FTO: variants seen among roughly 807,000 people sequenced by gnomAD.
FTO encodes FTO alpha-ketoglutarate dependent dioxygenase.
FTO carries 47 observed loss-of-function variants against 63.9 expected under a neutral mutation model. The ratio of observed to expected loss-of-function variants is 0.74; its 90% confidence interval spans 0.58 to 0.94. The LOEUF is 0.94. FTO is among the 40% of genes least tolerant of loss of function. The probability of loss-of-function intolerance (pLI) is 0.00; values close to 1 mark genes in which losing one functional copy is unlikely to be tolerated. For synonymous variants in FTO, 207 were observed against 224.4 expected (o/e 0.92, Z 0.69); for missense variants, 562 against 618.1 (o/e 0.91, Z 0.96).
At chr16:54,031,282 T>C in intron 8 of FTO, among the ~76,000 whole-genome samples, 1 of 152,226 alleles carries the variant, frequency 6.6e-6, no homozygotes, top group East Asian at 1.9e-4. Flanking sequence ...TACTTCTTGC[T>C]TGCTGCACAG....
At chr16:53,804,871 TC>T (rs1228684884) in intron 1 of FTO, among the ~76,000 whole-genome samples, 1 of 152,088 alleles carries the variant, frequency 6.6e-6, no homozygotes, top group African/African-American at 2.4e-5. Context: ...TTCCTTGGCC[TC>T]CCATAGTGCT....
Position 53,848,531 on chromosome 16 carries a change from C to G in FTO, c.895+4233C>G, listed in dbSNP as rs548354135. Among the ~76,000 whole-genome samples, 10 of 152,216 alleles carry G rather than the reference C, an allele frequency of 6.6e-5. No homozygotes were observed. The South Asian group carries it at 1.7e-3, about 25-fold the overall frequency. On this transcript the variant is annotated intron_variant, in intron 4 of 8. Transcript: ENST00000471389. ...CCCTAATCTCAGAGTTAGACATGACCAGATTTGCAAACAGATTTACAATTT... is the reference window on the plus strand; with the variant it reads ...CCCTAATCTCAGAGTTAGACATGACGAGATTTGCAAACAGATTTACAATTT...
chr16:53,915,818 G>A (rs2081850721), intron 7 of FTO, among the ~76,000 whole-genome samples: 1 of 152,194 alleles, frequency 6.6e-6, no homozygotes, highest in Non-Finnish European at 1.5e-5. Flanking sequence ...TAATCTTTGG[G>A]TATGGAATGT....
Position 53,934,070 on chromosome 16 carries a change from T to C in FTO, c.1325T>C (p.Leu442Pro). Residue 442 changes from leucine (L) to proline (P), a missense_variant, in exon 8 of 9, where the codon CTC becomes CCC. By Grantham distance (98) the Leu-to-Pro change is moderately conservative. Transcript: ENST00000471389. Reference sequence around the variant, plus strand: ...ATCTTGACTGCCATCCTTGCCTCGCTCACTGCACGCCAGAACCTGAGGAGA... The same window carrying C: ...ATCTTGACTGCCATCCTTGCCTCGCCCACTGCACGCCAGAACCTGAGGAGA... ...NEILTAILAS[L>P]TARQNLRREW... The C allele has an allele frequency of 6.2e-7, 1 of 1,614,202 alleles. No homozygotes were observed. Among genetic ancestry groups the C allele is most frequent in the South Asian group, 1.1e-5 (1 of 91,088 alleles).
At chr16:54,091,035 A>AG (rs2086371943) in intron 8 of FTO, among the ~76,000 whole-genome samples, 1 of 152,214 alleles carries the variant, frequency 6.6e-6, no homozygotes, top group Non-Finnish European at 1.5e-5. Flanking sequence ...GAAATGGCCC[A>AG]GAGTCACCTG....
At chr16:54,034,747 A>G (rs910380204) in intron 8 of FTO, among the ~76,000 whole-genome samples, 5 of 152,220 alleles carry the variant, frequency 3.3e-5, no homozygotes, top group African/African-American at 1.2e-4. Flanking sequence ...TCACATTTGC[A>G]CATAAGTTAG....
At chr16:53,727,954 G>T (rs1433570731) in intron 1 of FTO, among the ~76,000 whole-genome samples, 1 of 152,114 alleles carries the variant, frequency 6.6e-6, no homozygotes, top group Non-Finnish European at 1.5e-5. Context: ...TCAAACAGTA[G>T]TAAGGGGCCA....
intron 8 of FTO, among the ~76,000 whole-genome samples, chr16:54,107,568 C>G (rs968186857): frequency 2.0e-5 from 3 of 152,216 alleles, no homozygotes; most frequent in African/African-American, 7.2e-5. Context: ...ACACACTACG[C>G]TGTATCAACC....
chr16:53,743,782 A>C (rs763242603), intron 1 of FTO, among the ~76,000 whole-genome samples: 1 of 151,806 alleles, frequency 6.6e-6, no homozygotes. Context: ...AACCCTGCCT[A>C]GTTACCATTT....
chr16:53,715,761 T>C (rs1026620646), intron 1 of FTO, among the ~76,000 whole-genome samples: 3 of 152,242 alleles, frequency 2.0e-5, no homozygotes, highest in Admixed American at 2.0e-4. Context: ...ATAATCTCTT[T>C]CCACATACCT....
intron 7 of FTO, among the ~76,000 whole-genome samples, chr16:53,899,828 A>C (rs1245896086): frequency 6.6e-6 from 1 of 152,170 alleles, no homozygotes; most frequent in Non-Finnish European, 1.5e-5. Context: ...TTCACACAGG[A>C]AGTCTTTTGC....
intron 8 of FTO, among the ~76,000 whole-genome samples, chr16:53,974,145 C>A (rs1321616831): frequency 6.6e-6 from 1 of 152,126 alleles, no homozygotes; most frequent in Non-Finnish European, 1.5e-5. Flanking sequence ...TTAGCTTCAA[C>A]ATTGGATGAT....
chr16:54,035,740 C>A (rs2084929539), intron 8 of FTO, among the ~76,000 whole-genome samples: 1 of 152,150 alleles, frequency 6.6e-6, no homozygotes, highest in African/African-American at 2.4e-5. Context: ...TACTGACAAA[C>A]CCAAGAATAT....
At chr16:53,705,617 A>G (rs572267219) in intron 1 of FTO, among the ~76,000 whole-genome samples, 1 of 152,312 alleles carries the variant, frequency 6.6e-6, no homozygotes, top group Non-Finnish European at 1.5e-5. Context: ...CTCTATATTG[A>G]CCTGAGTTAT....
intron 8 of FTO, among the ~76,000 whole-genome samples, chr16:54,050,284 G>A (rs2085282635): frequency 6.6e-6 from 1 of 152,158 alleles, no homozygotes; most frequent in African/African-American, 2.4e-5. Flanking sequence ...AGAATATGAA[G>A]CGGTCATATT....
intron 4 of FTO, among the ~76,000 whole-genome samples, chr16:53,865,640 TGTC>T (rs2080289618): frequency 6.6e-6 from 1 of 152,168 alleles, no homozygotes; most frequent in Non-Finnish European, 1.5e-5. Flanking sequence ...CTGAATCTGT[TGTC>T]TGCTTATCGT....
intron 8 of FTO, among the ~76,000 whole-genome samples, chr16:54,072,791 T>C (rs2085900372): frequency 6.6e-6 from 1 of 152,074 alleles, no homozygotes; most frequent in Non-Finnish European, 1.5e-5. Context: ...CACAGGGGGC[T>C]TCCGTTTTGG....
At chr16:54,022,967 G>A (rs62034077) in intron 8 of FTO, among the ~76,000 whole-genome samples, 14,927 of 152,274 alleles carry the variant, frequency 0.098, 1,038 homozygotes, top group South Asian at 0.2. Flanking sequence ...CATTTGAAAC[G>A]TGGAGAGAAA....
At chr16:53,806,042 G>A (rs972881056) in intron 1 of FTO, among the ~76,000 whole-genome samples, 5 of 152,206 alleles carry the variant, frequency 3.3e-5, no homozygotes, top group African/African-American at 1.2e-4. Context: ...ACAGTCAAAC[G>A]TGAGCTCCTT....
Sources: allele counts gnomAD v4.1 joint callset (sites outside exome capture counted in the v4.1 genomes callset), GRCh38; gene constraint gnomAD v4.1.1; transcripts MANE v1.5; gene names NCBI Gene and HGNC (gene_info 2026-07-23, HGNC 2026-07-21).